Variants in RPS5 observed in about 807,000 individuals in gnomAD.
The protein encoded by RPS5 is small ribosomal subunit protein uS7.
RPS5 carries 2 observed loss-of-function variants against 20.9 expected under a neutral mutation model. The ratio of observed to expected loss-of-function variants is 0.10; its 90% confidence interval spans 0.04 to 0.30. The LOEUF (loss-of-function observed/expected upper bound fraction) is 0.30, where lower values mean the gene tolerates loss of function less well. Among genes scored for constraint, RPS5 ranks in the 10% least tolerant of loss-of-function variants. RPS5 has a pLI of 1.00. For missense variants in RPS5, 122 were observed against 287.2 expected (o/e 0.42, Z 4.16); for synonymous variants, 112 against 105.8 (o/e 1.06, Z -0.36).
At chr19:58,391,771 C>A (rs911721664) in intron 2 of RPS5, among the ~76,000 whole-genome samples, 2 of 151,430 alleles carry the variant, frequency 1.3e-5, no homozygotes, top group African/African-American at 4.9e-5. Flanking sequence ...ACTAAAAATA[C>A]AAAAATTAGC....
At chr19:58,388,925 G>A (rs543700468) in intron 2 of RPS5, among the ~76,000 whole-genome samples, 4 of 152,208 alleles carry the variant, frequency 2.6e-5, no homozygotes, top group East Asian at 1.9e-4. Context: ...CACCGCGCCC[G>A]GCCCAGATGT....
At chr19:58,392,331 A>C (rs13382065) in intron 2 of RPS5, among the ~76,000 whole-genome samples, 2 of 146,594 alleles carry the variant, frequency 1.4e-5, no homozygotes, top group Non-Finnish European at 3.0e-5. Context: ...CAAGGGGGGG[A>C]AAAAAAAAAC....
Position 58,390,388 on chromosome 19 carries a change from A to G in RPS5, c.108+2143A>G, listed in dbSNP as rs540639243. On this transcript the variant is annotated intron_variant, in intron 2 of 5. Coordinates refer to ENST00000196551, the MANE Select transcript of RPS5 (RefSeq NM_001009.4). ...AAACATTTTCATTATAGGCCCAGAT[A>G]ATGTTTTAGACTTTGTGGGCCACAC... Among the ~76,000 whole-genome samples the G allele has an allele frequency of 3.5e-5, 5 of 141,796 alleles. No individual in the cohort carries two copies. In the South Asian group the frequency reaches 1.1e-3, roughly 31 times the overall value. The allele number at this position is 141,796 out of a possible 152,430, so 93.0% of individuals were successfully genotyped here. A position where few individuals can be genotyped will look rare whatever the true frequency, so the allele number is the denominator to read the frequency against.
intron 1 of RPS5, chr19:58,387,775 C>G (rs1245178043): frequency 1.1e-5 from 3 of 273,622 alleles, no homozygotes; most frequent in Non-Finnish European, 2.2e-5. Context: ...CAGTCCGAGA[C>G]GGAACGTTGA....
intron 2 of RPS5, 122 bp from the exon 3 acceptor site, chr19:58,392,854 C>T (rs2122163666): frequency 2.3e-6 from 2 of 860,816 alleles, no homozygotes; most frequent in Admixed American, 2.2e-5. Context: ...TGAGGCATAC[C>T]AGGATCCCAG....
intron 2 of RPS5, 138 bp downstream of exon 2, chr19:58,388,383 C>T (rs1365634652): frequency 1.5e-6 from 1 of 651,416 alleles, no homozygotes; most frequent in South Asian, 1.7e-5. Flanking sequence ...TTGACCACCA[C>T]ATCTACCACA....
intron 4 of RPS5, chr19:58,394,233 C>T (rs914875177): frequency 3.3e-5 from 15 of 459,064 alleles, no homozygotes; most frequent in Non-Finnish European, 5.2e-5. Context: ...CGCAAGCCAC[C>T]GTGCCCGGCC....
At chr19:58,390,936 A>G (rs1388962402) in intron 2 of RPS5, among the ~76,000 whole-genome samples, 4 of 152,064 alleles carry the variant, frequency 2.6e-5, no homozygotes, top group Non-Finnish European at 2.9e-5. Flanking sequence ...TTGTATTTGT[A>G]GAAACAGGTA....
chr19:58,393,455 G>A lies in RPS5; in HGVS notation c.415G>A (p.Val139Met). 1 of 1,612,910 alleles carries A rather than the reference G, an allele frequency of 6.2e-7. No individual in the cohort carries two copies. Among genetic ancestry groups the A allele is most frequent in the Non-Finnish European group, 8.5e-7 (1 of 1,180,036 alleles). Residue 139 changes from valine to methionine, a missense_variant, in exon 4 of 6, where the codon GTG becomes ATG. Val to Met is a conservative substitution (Grantham distance 21, BLOSUM62 1). Transcript: ENST00000196551. ...GRAGTVRRQA[V>M]DVSPLRRVNQ... is the part of the protein sequence containing the mutation. ...CGCCGGGACTGTGAGACGACAGGCT[G>A]TGGATGTGTCCCCCCTGCGCCGTGT...
intron 2 of RPS5, among the ~76,000 whole-genome samples, chr19:58,390,641 G>A (rs995866363): frequency 1.3e-5 from 2 of 151,970 alleles, no homozygotes; most frequent in Admixed American, 1.3e-4. Flanking sequence ...TCACCATGTT[G>A]GCCAGGCTGG....
At chr19:58,388,462 G>A in intron 2 of RPS5, 1 of 574,312 alleles carries the variant, frequency 1.7e-6, no homozygotes, top group Non-Finnish European at 3.1e-6. Flanking sequence ...ACCAGAAGGA[G>A]CATCACATCT....
chr19:58,394,325 A>G (rs994955008), intron 4 of RPS5, 172 bp from the exon 5 acceptor site: 7 of 613,324 alleles, frequency 1.1e-5, no homozygotes, highest in African/African-American at 1.8e-5. Flanking sequence ...GTGTGTCTGG[A>G]CACTTGCTCT....
rs376725983 is a variant in RPS5, at chr19:58,394,458, C to T, written c.448-39C>T. ...GTGGCCCCAGGGTGCTGGAGGACCG[C>T]AGTCTGTCCTTCTAGCCTGACCCCT... On this transcript the variant is annotated intron_variant, in intron 4 of 5. Transcript: ENST00000196551. 7.6e-6 allele frequency: 12 copies of T among 1,570,702 alleles called. No homozygotes were observed. In the African/African-American group the frequency reaches 1.6e-4, roughly 21 times the overall value.
At chr19:58,391,674 C>G (rs1469670058) in intron 2 of RPS5, among the ~76,000 whole-genome samples, 1 of 151,886 alleles carries the variant, frequency 6.6e-6, no homozygotes, top group Non-Finnish European at 1.5e-5. Flanking sequence ...GCCTGTAATC[C>G]CATCACTTTG....
At chr19:58,391,806 G>A (rs773042053) in intron 2 of RPS5, among the ~76,000 whole-genome samples, 1 of 150,872 alleles carries the variant, frequency 6.6e-6, no homozygotes, top group Non-Finnish European at 1.5e-5. Context: ...TGCACCTGTA[G>A]TCCCAGCTAC....
chr19:58,394,417 G>A, intron 4 of RPS5, 80 bp from the exon 5 acceptor site: 1 of 1,207,488 alleles, frequency 8.3e-7, no homozygotes, highest in Non-Finnish European at 1.2e-6. Flanking sequence ...AACGTGGCTG[G>A]CAGCATCAGT....
At chr19:58,388,483 ATTTTTGTTACTG>A (rs2052341677) in intron 2 of RPS5, 1 of 553,496 alleles carries the variant, frequency 1.8e-6, no homozygotes, top group African/African-American at 1.9e-5. Flanking sequence ...CACATATGGT[ATTTTTGTTACTG>A]TTTTTGTAGT....
At chr19:58,391,443 A>AAAAAAAC (rs2052362903) in intron 2 of RPS5, among the ~76,000 whole-genome samples, 1 of 150,488 alleles carries the variant, frequency 6.6e-6, no homozygotes, top group African/African-American at 2.5e-5. Flanking sequence ...AAAAAAAAAA[A>AAAAAAAC]AAAAAAAAAC....
At chr19:58,388,336 C>G in intron 2 of RPS5, 91 bp downstream of exon 2, 1 of 872,692 alleles carries the variant, frequency 1.1e-6, no homozygotes, top group Non-Finnish European at 1.9e-6. Context: ...GCCATTAAGT[C>G]AAGAATAGAG....
Sources: allele counts gnomAD v4.1 joint callset (sites outside exome capture counted in the v4.1 genomes callset), GRCh38; gene constraint gnomAD v4.1.1; transcripts MANE v1.5; gene names NCBI Gene and HGNC (gene_info 2026-07-23, HGNC 2026-07-21).